KCNIP4: variants seen among roughly 807,000 people sequenced by gnomAD.
The protein encoded by KCNIP4 is potassium voltage-gated channel interacting protein 4.
KCNIP4 carries 12 observed loss-of-function variants against 34.0 expected under a neutral mutation model. The ratio of observed to expected loss-of-function variants is 0.35; its 90% CI spans 0.23 to 0.57. The LOEUF is 0.57. Ranked by LOEUF, KCNIP4 falls within the 20% of genes least tolerant of loss-of-function variation. The pLI is 0.83. For missense variants in KCNIP4, 238 were observed against 311.7 expected, an observed-to-expected ratio of 0.76 and a Z score of 1.78; for synonymous variants, 124 against 102.2, an observed-to-expected ratio of 1.21 and a Z score of -1.29.
At chr4:21,896,156 A>G (rs1253226830) in intron 1 of KCNIP4, among the ~76,000 whole-genome samples, 1 of 152,132 alleles carries the variant, frequency 6.6e-6, no homozygotes, top group African/African-American at 2.4e-5. Context: ...CATTTTCTCC[A>G]TCTTACATAT....
intron 1 of KCNIP4, among the ~76,000 whole-genome samples, chr4:21,323,502 G>A (rs2109306792): frequency 6.6e-6 from 1 of 152,104 alleles, no homozygotes; most frequent in Admixed American, 6.5e-5. Context: ...ACAATTAAGT[G>A]TGAACATGCG....
intron 1 of KCNIP4, among the ~76,000 whole-genome samples, chr4:21,924,282 C>T (rs1479868080): frequency 1.5e-4 from 21 of 135,940 alleles, no homozygotes; most frequent in Admixed American, 1.3e-3. Context: ...CTCGCTCTGT[C>T]GCCCAGGCTG....
intron 1 of KCNIP4, among the ~76,000 whole-genome samples, chr4:20,947,397 G>A (rs781444125): frequency 6.6e-6 from 1 of 151,996 alleles, no homozygotes; most frequent in South Asian, 2.1e-4. Context: ...TCAAACTCCT[G>A]CCCTCATGTG....
chr4:21,075,836 G>C (rs1426107851), intron 1 of KCNIP4, among the ~76,000 whole-genome samples: 1 of 152,072 alleles, frequency 6.6e-6, no homozygotes, highest in Non-Finnish European at 1.5e-5. Flanking sequence ...CAGGCCTGGT[G>C]GTGACAAAAT....
intron 1 of KCNIP4, among the ~76,000 whole-genome samples, chr4:21,142,904 T>C (rs1191336249): frequency 1.3e-5 from 2 of 152,204 alleles, no homozygotes; most frequent in Admixed American, 1.3e-4. Context: ...GGCATTTTCA[T>C]ATTCTTACTA....
At chr4:21,096,645 T>G (rs1747481275) in intron 1 of KCNIP4, among the ~76,000 whole-genome samples, 1 of 152,172 alleles carries the variant, frequency 6.6e-6, no homozygotes, top group African/African-American at 2.4e-5. Flanking sequence ...CTCTTTTAAA[T>G]GTAGAAAATA....
intron 1 of KCNIP4, among the ~76,000 whole-genome samples, chr4:21,782,355 A>G (rs909029561): frequency 2.0e-5 from 3 of 152,232 alleles, no homozygotes; most frequent in Non-Finnish European, 4.4e-5. Context: ...GCAATCATAC[A>G]TCTAGGCACT....
rs541522541 is a variant in KCNIP4, at chr4:21,478,390, C to T, written c.61+470181G>A. Among the ~76,000 whole-genome samples the T allele has an allele frequency of 2.6e-5, 4 of 152,174 alleles. No individual in the cohort carries two copies. In the East Asian group the frequency reaches 7.7e-4, roughly 29 times the overall value. ...TTCTAAAGTCATAATACTACACATT[C>T]TATATCATGCAAAACCCACAAGTAT... On this transcript the variant is annotated intron_variant, in intron 1 of 8. Transcript: ENST00000382152.
chr4:20,822,064 T>C (rs1717176743), intron 3 of KCNIP4, among the ~76,000 whole-genome samples: 1 of 152,006 alleles, frequency 6.6e-6, no homozygotes, highest in Non-Finnish European at 1.5e-5. Flanking sequence ...AATAAATAAA[T>C]GGGATCTCAT....
chr4:21,603,941 C>A (rs1383113839), intron 1 of KCNIP4, among the ~76,000 whole-genome samples: 3 of 151,722 alleles, frequency 2.0e-5, no homozygotes, highest in Non-Finnish European at 4.4e-5. Flanking sequence ...ATATTTTAAT[C>A]AAAATATAAT....
chr4:21,083,426 A>G (rs1435991290), intron 1 of KCNIP4, among the ~76,000 whole-genome samples: 1 of 151,868 alleles, frequency 6.6e-6, no homozygotes, highest in African/African-American at 2.4e-5. Flanking sequence ...GATGAAATTA[A>G]GGATCTTCAA....
intron 1 of KCNIP4, among the ~76,000 whole-genome samples, chr4:20,892,927 T>C (rs940068891): frequency 6.6e-6 from 1 of 152,212 alleles, no homozygotes; most frequent in South Asian, 2.1e-4. Flanking sequence ...TTGCCAAAAC[T>C]ACTTCTACAG....
intron 1 of KCNIP4, among the ~76,000 whole-genome samples, chr4:20,980,442 T>C (rs911996768): frequency 1.3e-5 from 2 of 152,218 alleles, no homozygotes; most frequent in African/African-American, 4.8e-5. Flanking sequence ...TCTTTACAAA[T>C]TGCTTTTGAG....
chr4:21,712,398 T>A (rs1713801088), intron 1 of KCNIP4, among the ~76,000 whole-genome samples: 1 of 152,124 alleles, frequency 6.6e-6, no homozygotes, highest in South Asian at 2.1e-4. Context: ...TGAAACAGGA[T>A]GGGGGGCGAG....
intron 1 of KCNIP4, among the ~76,000 whole-genome samples, chr4:21,323,430 T>C (rs1283822850): frequency 6.6e-6 from 1 of 152,076 alleles, no homozygotes; most frequent in Non-Finnish European, 1.5e-5. Flanking sequence ...CTTCTTGGAC[T>C]CTTGTAACCA....
chr4:21,357,981 A>G (rs1408903904), intron 1 of KCNIP4, among the ~76,000 whole-genome samples: 1 of 152,208 alleles, frequency 6.6e-6, no homozygotes, highest in Non-Finnish European at 1.5e-5. Flanking sequence ...ATGGAATACT[A>G]TGCAGCCATA....
chr4:21,085,897 G>A (rs1157147158), intron 1 of KCNIP4, among the ~76,000 whole-genome samples: 1 of 152,140 alleles, frequency 6.6e-6, no homozygotes, highest in Non-Finnish European at 1.5e-5. Context: ...TCATTGGTTA[G>A]GTTTGTTAAC....
At chr4:21,277,455 C>G (rs1233408532) in intron 1 of KCNIP4, among the ~76,000 whole-genome samples, 1 of 151,958 alleles carries the variant, frequency 6.6e-6, no homozygotes, top group Non-Finnish European at 1.5e-5. Context: ...TTAAAAGGGT[C>G]ACATAAATGG....
intron 1 of KCNIP4, among the ~76,000 whole-genome samples, chr4:20,994,704 A>C (rs1462731940): frequency 6.6e-6 from 1 of 152,216 alleles, no homozygotes; most frequent in Non-Finnish European, 1.5e-5. Flanking sequence ...AAGAGAGGAG[A>C]AACTACTGCA....
Sources: allele counts gnomAD v4.1 joint callset (sites outside exome capture counted in the v4.1 genomes callset), GRCh38; gene constraint gnomAD v4.1.1; transcripts MANE v1.5; gene names NCBI Gene and HGNC (gene_info 2026-07-23, HGNC 2026-07-21).